Variants in DCDC1 observed in about 807,000 individuals in gnomAD.
DCDC1 encodes the protein doublecortin domain-containing protein 1.
In DCDC1, 200 loss-of-function variants were observed where a neutral mutation model predicts 178.3. The ratio of observed to expected loss-of-function variants is 1.12; its 90% CI spans 1.00 to 1.26. The LOEUF (loss-of-function observed/expected upper bound fraction) is 1.26, where lower values mean the gene tolerates loss of function less well. Among genes scored for constraint, DCDC1 ranks in the 50% most tolerant of loss-of-function variants. The pLI, the probability that DCDC1 is intolerant of heterozygous loss-of-function variation, is 0.00. For missense variants in DCDC1, 1,983 were observed against 1,749.2 expected, an observed-to-expected ratio of 1.13 and a Z score of -2.38; for synonymous variants, 690 against 604.8, an observed-to-expected ratio of 1.14 and a Z score of -2.07.
chr11:30,925,269 T>C, intron 23 of DCDC1, 40 bp downstream of exon 23: 1 of 1,522,936 alleles, frequency 6.6e-7, no homozygotes, highest in Non-Finnish European at 9.1e-7. Flanking sequence ...GATGGGGTAT[T>C]AATAAATTAA....
At chr11:31,049,237 G>A (rs755208498) in intron 20 of DCDC1, among the ~76,000 whole-genome samples, 11 of 152,072 alleles carry the variant, frequency 7.2e-5, no homozygotes, top group Non-Finnish European at 1.5e-4. Flanking sequence ...GAATAAAGAC[G>A]GTAACTTGAC....
chr11:31,286,255 C>A (rs1387527530), intron 7 of DCDC1, among the ~76,000 whole-genome samples: 1 of 152,006 alleles, frequency 6.6e-6, no homozygotes, highest in Non-Finnish European at 1.5e-5. Context: ...TGCAAGTGTT[C>A]TGTGGACCAC....
chr11:31,369,158 TTCC>T (rs1952136563), intron 1 of DCDC1, among the ~76,000 whole-genome samples: 1 of 152,210 alleles, frequency 6.6e-6, no homozygotes. Flanking sequence ...CTTGATTTCT[TTCC>T]TCATCTATAA....
At chr11:30,986,373 G>A (rs563818867) in intron 20 of DCDC1, among the ~76,000 whole-genome samples, 14 of 140,770 alleles carry the variant, frequency 9.9e-5, no homozygotes, top group Admixed American at 2.3e-4. Flanking sequence ...TCGCTCTGTC[G>A]CCAGGCTGGA....
In DCDC1 at chr11:31,130,972, G is replaced by A. The variant is rs1371844666; in HGVS notation, c.1315-3333C>T. Among the ~76,000 whole-genome samples the A allele has an allele frequency of 4.4e-4, 13 of 29,512 alleles. 4 individuals carry two copies. The highest frequency in any genetic ancestry group is 1.1e-3 in the Non-Finnish European group (13 of 11,858). The allele number at this position is 29,512 out of a possible 152,430, so 19.4% of individuals were successfully genotyped here. ...CCGAGGCGGGTGGATCATGAGGTCA[G>A]GAGATCGAGACCATCCTGGCTAACA... On this transcript the variant is annotated intron_variant, in intron 10 of 38. Transcript: ENST00000684477.
intron 18 of DCDC1, among the ~76,000 whole-genome samples, chr11:31,074,199 T>A (rs1354235055): frequency 6.6e-6 from 1 of 152,130 alleles, no homozygotes; most frequent in Non-Finnish European, 1.5e-5. Context: ...CACAGCCATG[T>A]CTCACTGGAC....
intron 9 of DCDC1, among the ~76,000 whole-genome samples, chr11:31,208,495 T>A (rs568903343): frequency 6.6e-6 from 1 of 152,192 alleles, no homozygotes; most frequent in African/African-American, 2.4e-5. Context: ...TGGAGGTTTG[T>A]CTGTCTCCGC....
intron 13 of DCDC1, among the ~76,000 whole-genome samples, chr11:31,105,981 T>C (rs1958818678): frequency 6.6e-6 from 1 of 152,212 alleles, no homozygotes; most frequent in Non-Finnish European, 1.5e-5. Context: ...TAGAGAAGTG[T>C]GTTTAAGTTT....
chr11:31,314,885 G>A (rs1001196136), intron 3 of DCDC1, among the ~76,000 whole-genome samples: 1 of 152,054 alleles, frequency 6.6e-6, no homozygotes, highest in African/African-American at 2.4e-5. Context: ...AAACATGGTG[G>A]AATTTACAAC....
chr11:30,913,366 GC>G (rs891805295), intron 27 of DCDC1, among the ~76,000 whole-genome samples: 2 of 151,902 alleles, frequency 1.3e-5, no homozygotes, highest in African/African-American at 4.8e-5. Flanking sequence ...CCGAGATCAT[GC>G]CACTGCACTC....
intron 8 of DCDC1, among the ~76,000 whole-genome samples, chr11:31,255,316 G>A (rs1944338654): frequency 6.6e-6 from 1 of 152,134 alleles, no homozygotes. Flanking sequence ...TAAATATCTA[G>A]GAGTGGAATT....
intron 17 of DCDC1, among the ~76,000 whole-genome samples, chr11:31,086,761 T>C (rs1186420099): frequency 6.6e-6 from 1 of 152,196 alleles, no homozygotes; most frequent in African/African-American, 2.4e-5. Flanking sequence ...CCCCACTTGT[T>C]CATGATACAT....
At position 31,213,139 on chromosome 11, in the gene DCDC1, C is replaced by CTCTCTCTCTT. The variant is rs1565442409; in HGVS notation, c.1221+28310_1221+28311insAAGAGAGAGA. Among the ~76,000 whole-genome samples, 296 of 140,494 alleles carry CTCTCTCTCTT rather than the reference C, an allele frequency of 2.1e-3. 4 individuals carry two copies. Among genetic ancestry groups the CTCTCTCTCTT allele is most frequent in the Middle Eastern group, 3.5e-3 (1 of 284 alleles). 92.2% of individuals were successfully genotyped at this position (140,494 alleles called of 152,430 possible). A position where few individuals can be genotyped will look rare whatever the true frequency, so the allele number is the denominator to read the frequency against. The stretch of plus-strand genomic sequence containing the variant: ...TCTCTCTCTCTCTCTCTCTCTCTCT[C>CTCTCTCTCTT]TCTCTCTCTCTCTCTCTCTCTCTGC... On this transcript the variant is annotated intron_variant, in intron 9 of 38. Coordinates refer to ENST00000684477, the MANE Select transcript of DCDC1 (RefSeq NM_001387274.1).
At chr11:31,307,291 C>G (rs1328985025) in intron 4 of DCDC1, 6 of 192,832 alleles carry the variant, frequency 3.1e-5, no homozygotes, top group Non-Finnish European at 5.3e-5. Flanking sequence ...TAATTTCATT[C>G]AATTCAATTC....
chr11:31,073,717 A>T (rs1187134175), intron 18 of DCDC1, among the ~76,000 whole-genome samples: 1 of 152,252 alleles, frequency 6.6e-6, no homozygotes, highest in Admixed American at 6.5e-5. Context: ...TCTTGAGCAA[A>T]GTAAGGAAAG....
At chr11:30,912,494 G>A (rs1403069257) in intron 27 of DCDC1, among the ~76,000 whole-genome samples, 1 of 152,082 alleles carries the variant, frequency 6.6e-6, no homozygotes. Flanking sequence ...ATGTTGGCCA[G>A]GCTGGTCCAG....
chr11:31,199,863 T>G (rs538372680), intron 9 of DCDC1, among the ~76,000 whole-genome samples: 5 of 152,216 alleles, frequency 3.3e-5, no homozygotes, highest in East Asian at 1.9e-4. Flanking sequence ...CATGACAAAA[T>G]AGTAATTCAA....
intron 9 of DCDC1, among the ~76,000 whole-genome samples, chr11:31,162,610 T>C (rs169623): frequency 0.3 from 45,691 of 152,020 alleles, 8,317 homozygotes; most frequent in East Asian, 0.63. Context: ...AATCATTGAC[T>C]GCATGAGAAG....
intron 9 of DCDC1, among the ~76,000 whole-genome samples, chr11:31,175,503 T>C (rs1967885926): frequency 6.6e-6 from 1 of 152,186 alleles, no homozygotes; most frequent in Non-Finnish European, 1.5e-5. Context: ...GCACCAAGCA[T>C]ACATGTGTTC....
Sources: allele counts gnomAD v4.1 joint callset (sites outside exome capture counted in the v4.1 genomes callset), GRCh38; gene constraint gnomAD v4.1.1; transcripts MANE v1.5; gene names NCBI Gene and HGNC (gene_info 2026-07-23, HGNC 2026-07-21).